PCF11: variants seen among roughly 807,000 people sequenced by gnomAD.
The protein encoded by PCF11 is pre-mRNA cleavage complex 2 protein Pcf11.
In PCF11, 19 loss-of-function variants were observed where a neutral mutation model predicts 166.1. That is an observed-to-expected ratio of 0.11 (90% confidence interval 0.08 to 0.17). PCF11 has a LOEUF of 0.17. Among genes scored for constraint, PCF11 ranks in the 10% least tolerant of loss-of-function variants. The pLI is 1.00. For synonymous variants in PCF11, 663 were observed against 644.1 expected (o/e 1.03, Z -0.44); for missense variants, 1,565 against 1,855.5 (o/e 0.84, Z 2.88).
At chr11:83,187,051 G>GAGAC (rs1228051113) in exon 16 of PCF11, 2 of 151,204 alleles carry the variant, frequency 1.3e-5, no homozygotes, top group Non-Finnish European at 2.9e-5. Flanking sequence ...TTCTTTTTTT[G>GAGAC]AGACAGTCTT....
intron 11 of PCF11, chr11:83,180,074 T>C (rs1450888947): frequency 6.6e-6 from 1 of 152,100 alleles, no homozygotes; most frequent in African/African-American, 2.4e-5. Flanking sequence ...TGTTCTGTTA[T>C]TTGCTTTATT....
chr11:83,173,972 A>G (rs1229780458), intron 9 of PCF11, among the ~76,000 whole-genome samples: 1 of 145,362 alleles, frequency 6.9e-6, no homozygotes, highest in Non-Finnish European at 1.5e-5. Context: ...CAGGTGATCC[A>G]CCTGCCTTGA....
exon 5 of PCF11, chr11:83,165,776 T>G (rs1387856297): frequency 1.2e-6 from 2 of 1,613,114 alleles, no homozygotes; most frequent in Admixed American, 1.7e-5. Context: ...TAAAAGGAAC[T>G]AACCGGGATC....
chr11:83,172,910 T>C (rs966794355), intron 9 of PCF11, among the ~76,000 whole-genome samples: 1 of 152,230 alleles, frequency 6.6e-6, no homozygotes, highest in African/African-American at 2.4e-5. Context: ...AAGCTCTTTT[T>C]TATACATTAG....
rs1178292288 is a variant in PCF11 at position 83,177,776 on chromosome 11, G to A, written c.3940G>A (p.Asp1314Asn). The change falls in exon 11 of 16, where the codon GAT (aspartate) becomes AAT (asparagine). Residue 1314 changes from aspartate (D) to asparagine (N), a missense_variant. Transcript: ENST00000298281. The stretch of plus-strand genomic sequence containing the variant: ...GGAGGAAGATCAAAATGAAGATCAA[G>A]ATGTTCCAGATCTTACTAATTTTAC... The A allele has an allele frequency of 1.9e-6, 3 of 1,541,588 alleles. No individual in the cohort carries two copies. The South Asian group carries it at 3.6e-5, about 19-fold the overall frequency.
At chr11:83,177,643 T>G in intron 10 of PCF11, 71 bp from the exon 11 acceptor site, 1 of 718,600 alleles carries the variant, frequency 1.4e-6, no homozygotes. Flanking sequence ...CTTATAATAC[T>G]ATAGTGTTCC....
intron 9 of PCF11, among the ~76,000 whole-genome samples, chr11:83,174,028 C>G (rs890398065): frequency 6.6e-6 from 1 of 152,066 alleles, no homozygotes; most frequent in Non-Finnish European, 1.5e-5. Flanking sequence ...TGTGCCCAGC[C>G]TTGTTTTGCT....
chr11:83,157,400 G>A, exon 1 of PCF11: 1 of 1,585,918 alleles, frequency 6.3e-7, no homozygotes, highest in Non-Finnish European at 8.6e-7. Flanking sequence ...AGCGGCTTCA[G>A]CTTCAGCTGC....
At chr11:83,171,830 G>A (rs1459851742) in exon 9 of PCF11, 6 of 1,584,198 alleles carry the variant, frequency 3.8e-6, no homozygotes, top group Non-Finnish European at 5.2e-6. Context: ...TCTGAGTGGT[G>A]TTGCTCAGCC....
chr11:83,164,023 T>C (rs1860357388), intron 3 of PCF11, among the ~76,000 whole-genome samples, 156 bp downstream of exon 3: 1 of 152,222 alleles, frequency 6.6e-6, no homozygotes, highest in African/African-American at 2.4e-5. Flanking sequence ...TTTGGAATTT[T>C]TATTTAGAAA....
chr11:83,169,542 G>T (rs780429959), exon 8 of PCF11: 1 of 1,613,968 alleles, frequency 6.2e-7, no homozygotes, highest in East Asian at 2.2e-5. Context: ...CTCCTGGTCA[G>T]CCAGGCCCTC....
chr11:83,178,826 A>AAT (rs1187936065), intron 11 of PCF11, among the ~76,000 whole-genome samples: 6 of 151,884 alleles, frequency 4.0e-5, no homozygotes, highest in African/African-American at 1.5e-4. Flanking sequence ...AAAAAAAAAA[A>AAT]ATCTATTTTT....
chr11:83,162,677 T>G (rs748518124), intron 2 of PCF11, among the ~76,000 whole-genome samples: 10 of 152,256 alleles, frequency 6.6e-5, no homozygotes, highest in Non-Finnish European at 1.3e-4. Context: ...ATCTGAAGAC[T>G]TATGAATATA....
chr11:83,171,874 A>G (rs1416968584), exon 9 of PCF11: 1 of 1,602,380 alleles, frequency 6.2e-7, no homozygotes, highest in African/African-American at 1.3e-5. Flanking sequence ...AGTTTTTACC[A>G]GTTCATCCAC....
chr11:83,157,781 C>A, intron 1 of PCF11, 150 bp downstream of exon 1: 1 of 705,668 alleles, frequency 1.4e-6, no homozygotes, highest in South Asian at 1.8e-5. Context: ...CGGTCTTTGG[C>A]CCAGGCTTCG....
intron 9 of PCF11, among the ~76,000 whole-genome samples, chr11:83,173,610 T>G (rs1860766253): frequency 6.6e-6 from 1 of 151,750 alleles, no homozygotes; most frequent in South Asian, 2.1e-4. Context: ...TTAATGTATT[T>G]TCCTTTAGAA....
intron 9 of PCF11, among the ~76,000 whole-genome samples, chr11:83,172,545 C>G (rs1251082244): frequency 6.6e-6 from 1 of 152,134 alleles, no homozygotes; most frequent in Non-Finnish European, 1.5e-5. Context: ...GTCTCAGCCT[C>G]CCAAGTAGCT....
chr11:83,168,472 C>G (rs1188157078), exon 8 of PCF11: 2 of 1,611,500 alleles, frequency 1.2e-6, no homozygotes, highest in Admixed American at 3.3e-5. Context: ...TCGTTTTCCA[C>G]TTAAGCGACC....
chr11:83,180,481 A>C (rs1436665381), intron 11 of PCF11: 1 of 152,128 alleles, frequency 6.6e-6, no homozygotes, highest in African/African-American at 2.4e-5. Context: ...GGGAGCCCAG[A>C]ATTTAAAAAA....
Sources: gnomAD v4.1 joint callset for allele counts (sites outside exome capture counted in the v4.1 genomes callset) on GRCh38, gnomAD v4.1.1 for gene constraint, MANE v1.5 for transcripts, NCBI Gene and HGNC (gene_info 2026-07-23, HGNC 2026-07-21) for gene names.